The following GDPD4 variants were observed in gnomAD, a reference collection of about 807,000 sequenced individuals.
GDPD4 encodes the protein glycerophosphodiester phosphodiesterase domain containing 4, also known as glycerophosphodiester phosphodiesterase 6.
In GDPD4, 60 loss-of-function variants were observed where a neutral mutation model predicts 67.8. The observed-to-expected ratio is 0.88, with a 90% CI of 0.72 to 1.10. The LOEUF (loss-of-function observed/expected upper bound fraction) is 1.10. Among genes scored for constraint, GDPD4 ranks in the 50% least tolerant of loss-of-function variants. The probability of loss-of-function intolerance (pLI) is 0.00; values close to 1 mark genes in which losing one functional copy is unlikely to be tolerated. For missense variants in GDPD4, 623 were observed against 613.9 expected, an observed-to-expected ratio of 1.01 and a Z score of -0.16; for synonymous variants, 212 against 210.9, an observed-to-expected ratio of 1.00 and a Z score of -0.04.
intron 11 of GDPD4, among the ~76,000 whole-genome samples, chr11:77,255,045 A>T (rs928338384): frequency 1.3e-5 from 2 of 152,242 alleles, no homozygotes; most frequent in Non-Finnish European, 2.9e-5. Flanking sequence ...TAAAGTCTCC[A>T]GACAACCATA....
At chr11:77,298,093 G>C (rs1249232063) in intron 1 of GDPD4, among the ~76,000 whole-genome samples, 1 of 150,070 alleles carries the variant, frequency 6.7e-6, no homozygotes, top group Non-Finnish European at 1.5e-5. Flanking sequence ...TTTTGTTGTT[G>C]TTTCGTTTTT....
chr11:77,268,407 G>A, intron 10 of GDPD4, 50 bp downstream of exon 10: 1 of 1,271,410 alleles, frequency 7.9e-7, no homozygotes, highest in Non-Finnish European at 1.1e-6. Flanking sequence ...CTCTTGCATG[G>A]CATTGAACTT....
chr11:77,269,101 GAA>G (rs755965752), intron 8 of GDPD4, 32 bp from the exon 9 acceptor site: 2 of 1,601,240 alleles, frequency 1.2e-6, no homozygotes, highest in Non-Finnish European at 8.5e-7. Flanking sequence ...GGAAGTGGGG[GAA>G]AAAGAGATAA....
At chr11:77,226,834 A>G (rs1958349235) in intron 16 of GDPD4, among the ~76,000 whole-genome samples, 1 of 152,172 alleles carries the variant, frequency 6.6e-6, no homozygotes, top group African/African-American at 2.4e-5. Flanking sequence ...ACAGCATATG[A>G]AAGACCATTG....
At chr11:77,286,401 T>C (rs1023209835) in intron 2 of GDPD4, among the ~76,000 whole-genome samples, 6 of 152,178 alleles carry the variant, frequency 3.9e-5, no homozygotes, top group Non-Finnish European at 7.3e-5. Flanking sequence ...AGCACTTGTA[T>C]TATCCCCAGT....
At chr11:77,285,333 C>A in intron 2 of GDPD4, 146 bp from the exon 3 acceptor site, 1 of 580,132 alleles carries the variant, frequency 1.7e-6, no homozygotes, top group Non-Finnish European at 3.1e-6. Context: ...TTCTTTTTAC[C>A]CCTACCAAAT....
intron 16 of GDPD4, among the ~76,000 whole-genome samples, chr11:77,222,675 A>G (rs1233334298): frequency 6.6e-6 from 1 of 151,898 alleles, no homozygotes; most frequent in African/African-American, 2.4e-5. Flanking sequence ...TTTTTCCTTC[A>G]TTTCAACCTT....
At chr11:77,248,205 CTTTTTT>C (rs974874400) in intron 11 of GDPD4, among the ~76,000 whole-genome samples, 1 of 140,860 alleles carries the variant, frequency 7.1e-6, no homozygotes, top group Admixed American at 7.1e-5. Context: ...ATTTTCTTTT[CTTTTTT>C]TTTTTTTTTG....
intron 11 of GDPD4, among the ~76,000 whole-genome samples, chr11:77,252,069 T>TG (rs1431471199): frequency 3.8e-4 from 55 of 143,262 alleles, no homozygotes; most frequent in South Asian, 6.5e-4. Context: ...TTTTTTGTTT[T>TG]TTTTTTTTTT....
chr11:77,269,109 G>A (rs552034848), intron 8 of GDPD4, 40 bp from the exon 9 acceptor site: 2 of 1,588,228 alleles, frequency 1.3e-6, no homozygotes, highest in East Asian at 2.2e-5. Flanking sequence ...GGGAAAAAGA[G>A]ATAAAGAGGG....
intron 16 of GDPD4, among the ~76,000 whole-genome samples, chr11:77,223,077 A>ATTTAAGGTCTTCTCTACACTGTT (rs1246465047): frequency 5.3e-5 from 8 of 152,154 alleles, no homozygotes; most frequent in African/African-American, 1.9e-4. Flanking sequence ...CCATCAGGTC[A>ATTTAAGGTCTTCTCTACACTGTT]TTTAAGGTCT....
At chr11:77,239,792 C>T (rs1302635627) in intron 13 of GDPD4, among the ~76,000 whole-genome samples, 1 of 151,906 alleles carries the variant, frequency 6.6e-6, no homozygotes. Flanking sequence ...GAAACCTGGT[C>T]TCTACTAAAA....
intron 10 of GDPD4, among the ~76,000 whole-genome samples, chr11:77,262,977 T>A (rs1210762895): frequency 6.6e-6 from 1 of 150,882 alleles, no homozygotes; most frequent in African/African-American, 2.4e-5. Flanking sequence ...GAAATAACAA[T>A]TTTTACATGC....
At chr11:77,222,856 T>C (rs1033516590) in intron 16 of GDPD4, among the ~76,000 whole-genome samples, 15 of 152,232 alleles carry the variant, frequency 9.9e-5, no homozygotes, top group Admixed American at 6.5e-4. Context: ...TCCCCGTCAC[T>C]TTCAGGTACA....
At chr11:77,264,952 T>C (rs1463336531) in intron 10 of GDPD4, among the ~76,000 whole-genome samples, 1 of 152,178 alleles carries the variant, frequency 6.6e-6, no homozygotes, top group East Asian at 1.9e-4. Context: ...TTAGTAAAAG[T>C]ATCTGTACCA....
At chr11:77,260,997 A>G (rs1959105175) in intron 10 of GDPD4, among the ~76,000 whole-genome samples, 1 of 152,220 alleles carries the variant, frequency 6.6e-6, no homozygotes, top group Admixed American at 6.5e-5. Context: ...TCAAAAAGTA[A>G]AACTAAAAAT....
chr11:77,270,074 C>T (rs1591563703), intron 7 of GDPD4, 114 bp from the exon 8 acceptor site: 2 of 581,684 alleles, frequency 3.4e-6, no homozygotes, highest in East Asian at 2.9e-5. Context: ...TATATAAACA[C>T]ACAATGGCAG....
intron 10 of GDPD4, among the ~76,000 whole-genome samples, chr11:77,259,270 G>A (rs762299548): frequency 3.3e-5 from 5 of 152,060 alleles, no homozygotes; most frequent in Non-Finnish European, 7.4e-5. Flanking sequence ...ATGAGCCACC[G>A]TGCCCAGCCT....
At position 77,269,978 on chromosome 11, in the gene GDPD4, AAAAAG is replaced by A. The variant is rs778883989; in HGVS notation, c.401-23_401-19del. ...CATTCTAACTAAAATTTAGAAAGTG[AAAAAG>A]AAAAGAGTTCATTATTGTCCCCTTT... On this transcript the variant is annotated intron_variant, in intron 7 of 16. Coordinates refer to ENST00000315938, the MANE Select transcript of GDPD4 (RefSeq NM_182833.3). 3 of 1,360,766 alleles carry A rather than the reference AAAAAG, an allele frequency of 2.2e-6. No homozygotes were observed. Among genetic ancestry groups the A allele is most frequent in the African/African-American group, 1.4e-5 (1 of 69,010 alleles). The allele number at this position is 1,360,766 out of a possible 1,614,324, so 84.3% of individuals were successfully genotyped here.
Sources: gnomAD v4.1 joint callset for allele counts (sites outside exome capture counted in the v4.1 genomes callset) on GRCh38, gnomAD v4.1.1 for gene constraint, MANE v1.5 for transcripts, NCBI Gene and HGNC (gene_info 2026-07-23, HGNC 2026-07-21) for gene names.